The following EXT1 variants were observed in gnomAD, a reference collection of about 807,000 sequenced individuals.
EXT1 encodes the protein exostosin glycosyltransferase 1, also known as exostosin-1.
EXT1 carries 20 observed loss-of-function variants against 82.5 expected under a neutral mutation model. That is an observed-to-expected ratio of 0.24 (90% confidence interval 0.17 to 0.35). The LOEUF (loss-of-function observed/expected upper bound fraction) is 0.35, where lower values mean the gene tolerates loss of function less well. Ranked by LOEUF, EXT1 falls within the 10% of genes least tolerant of loss-of-function variation. The probability of loss-of-function intolerance (pLI) is 1.00; values close to 1 mark genes in which losing one functional copy is unlikely to be tolerated. For missense variants in EXT1, 757 were observed against 936.5 expected (o/e 0.81, Z 2.50); for synonymous variants, 348 against 350.8 (o/e 0.99, Z 0.09).
intron 10 of EXT1, among the ~76,000 whole-genome samples, chr8:117,801,983 T>C (rs1361167622): frequency 6.6e-6 from 1 of 152,248 alleles, no homozygotes; most frequent in Non-Finnish European, 1.5e-5. Flanking sequence ...TTAACATTTA[T>C]TCTGAGTCAA....
intron 1 of EXT1, among the ~76,000 whole-genome samples, chr8:117,963,726 G>A (rs1814749979): frequency 6.6e-6 from 1 of 152,070 alleles, no homozygotes; most frequent in South Asian, 2.1e-4. Context: ...CTGACCTCAG[G>A]TAATCTGCCC....
At position 118,111,282 on chromosome 8, in the gene EXT1, G is replaced by A. The variant is rs1817898689; in HGVS notation, c.-236C>T. 2 of 644,412 alleles carry A rather than the reference G, an allele frequency of 3.1e-6. No individual in the cohort carries two copies. Among genetic ancestry groups the A allele is most frequent in the Non-Finnish European group, 5.4e-6 (2 of 370,408 alleles). 39.9% of individuals were successfully genotyped at this position (644,412 alleles called of 1,614,324 possible). ...TTTGGGTTGCACAATGCACGGGAGA[G>A]AGCGGGGCTGAATATCTCGCACCCA... On this transcript the variant is annotated 5_prime_UTR_variant, in exon 1 of 11. Transcript: ENST00000378204.
intron 1 of EXT1, among the ~76,000 whole-genome samples, chr8:117,917,558 A>C (rs1813776462): frequency 6.6e-6 from 1 of 152,162 alleles, no homozygotes; most frequent in Non-Finnish European, 1.5e-5. Context: ...TAAAATTCTC[A>C]CCAGCATTTT....
At chr8:118,098,850 A>G (rs1239325399) in intron 1 of EXT1, among the ~76,000 whole-genome samples, 1 of 152,190 alleles carries the variant, frequency 6.6e-6, no homozygotes, top group African/African-American at 2.4e-5. Flanking sequence ...ACTGATATGC[A>G]TCTTGAAAAC....
chr8:118,060,364 T>C (rs1346888468), intron 1 of EXT1, among the ~76,000 whole-genome samples: 1 of 152,212 alleles, frequency 6.6e-6, no homozygotes, highest in Non-Finnish European at 1.5e-5. Flanking sequence ...TTTTGGAAAT[T>C]GGGAGATTTT....
At chr8:117,985,888 T>C (rs74394831) in intron 1 of EXT1, among the ~76,000 whole-genome samples, 1,952 of 152,326 alleles carry the variant, frequency 0.013, 41 homozygotes, top group African/African-American at 0.042. Flanking sequence ...TTCTATAGCA[T>C]TGAATTAAGT....
chr8:118,024,658 C>A (rs1816171745), intron 1 of EXT1, among the ~76,000 whole-genome samples: 1 of 152,100 alleles, frequency 6.6e-6, no homozygotes, highest in South Asian at 2.1e-4. Flanking sequence ...AATGAACAGT[C>A]AAGAAACTAC....
In EXT1 at chr8:118,021,535, C is replaced by T. The variant is rs796851335; in HGVS notation, c.962+88550G>A. On this transcript the variant is annotated intron_variant, in intron 1 of 10. Coordinates refer to ENST00000378204, the MANE Select transcript of EXT1 (RefSeq NM_000127.3). ...AAAATGAACACTTCTGGAAGACGGC[C>T]GATTTTAAAAACATAAAAATTGTCA... Among the ~76,000 whole-genome samples, 5 of 152,046 alleles carry T rather than the reference C, an allele frequency of 3.3e-5. No homozygotes were observed. In the East Asian group the frequency reaches 5.8e-4, roughly 18 times the overall value.
At chr8:118,012,932 T>C (rs909751317) in intron 1 of EXT1, among the ~76,000 whole-genome samples, 1 of 152,190 alleles carries the variant, frequency 6.6e-6, no homozygotes, top group Non-Finnish European at 1.5e-5. Flanking sequence ...CTATCGTTAG[T>C]AAGGCAACTA....
chr8:117,937,744 C>CAG (rs953984272), intron 1 of EXT1, among the ~76,000 whole-genome samples: 2 of 152,190 alleles, frequency 1.3e-5, no homozygotes, highest in Admixed American at 6.5e-5. Context: ...CACTACATGC[C>CAG]AGAGAGAGAG....
rs545674238 is a variant in EXT1, at chr8:117,960,327, A to C, written c.963-123126T>G. Among the ~76,000 whole-genome samples, 9 of 152,356 alleles carry C rather than the reference A, an allele frequency of 5.9e-5. No individual in the cohort carries two copies. In the South Asian group the frequency reaches 1.9e-3, roughly 32 times the overall value. On this transcript the variant is annotated intron_variant, in intron 1 of 10. Transcript: ENST00000378204. ...TGCACTTTTCATGGTAAAACTTGAA[A>C]CTATTTTGTACATGTAATCTAAATG... is the stretch of plus-strand genomic sequence containing the variant.
rs7838416 is a variant in EXT1, at chr8:117,895,566, C to T, written c.963-58365G>A. On this transcript the variant is annotated intron_variant, in intron 1 of 10. Transcript: ENST00000378204. ...GGAAGTCATTAAGACCCATCCAGGT[C>T]TGAGTGTTATACGAAAATGTTACTG... Among the ~76,000 whole-genome samples the T allele has an allele frequency of 4.5e-3, 691 of 152,258 alleles. 3 individuals carry two copies. Among genetic ancestry groups the T allele is most frequent in the Non-Finnish European group, 8.0e-3 (541 of 68,028 alleles).
chr8:117,829,477 C>T (rs1587000984), intron 4 of EXT1, among the ~76,000 whole-genome samples: 1 of 151,914 alleles, frequency 6.6e-6, no homozygotes, highest in East Asian at 1.9e-4. Context: ...TCTGCTGTCC[C>T]GCAATGCCAT....
intron 1 of EXT1, among the ~76,000 whole-genome samples, chr8:117,972,090 C>T (rs527648281): frequency 8.4e-4 from 125 of 148,614 alleles, no homozygotes; most frequent in Non-Finnish European, 1.4e-3. Flanking sequence ...GCTGAGGTTG[C>T]GGTGAGCCGA....
intron 1 of EXT1, among the ~76,000 whole-genome samples, chr8:117,855,457 A>C (rs1008488721): frequency 3.9e-5 from 6 of 152,114 alleles, no homozygotes; most frequent in South Asian, 2.1e-4. Context: ...TACTACTGTA[A>C]TTGTTTTGGG....
Position 117,861,553 on chromosome 8 carries a change from G to T in EXT1, c.963-24352C>A, listed in dbSNP as rs1276171644. 9.7e-5 allele frequency among the ~76,000 whole-genome samples: 10 copies of T among 102,692 alleles called. 1 individual carries two copies. Among genetic ancestry groups the T allele is most frequent in the Non-Finnish European group, 2.1e-4 (9 of 43,194 alleles). 67.4% of individuals were successfully genotyped at this position (102,692 alleles called of 152,430 possible). A position where few individuals can be genotyped will look rare whatever the true frequency, so the allele number is the denominator to read the frequency against. On this transcript the variant is annotated intron_variant, in intron 1 of 10. Coordinates refer to ENST00000378204, the MANE Select transcript of EXT1 (RefSeq NM_000127.3). ...TCTGTCACCCAGGCTGGAGGGCAGT[G>T]GCATGATCTTGGCTCACTGCAACCT...
At chr8:117,848,144 G>A (rs1460240427) in intron 1 of EXT1, among the ~76,000 whole-genome samples, 1 of 152,190 alleles carries the variant, frequency 6.6e-6, no homozygotes, top group African/African-American at 2.4e-5. Context: ...AGTTGTCTAT[G>A]GAAAGTTTAA....
In EXT1 at chr8:118,103,833, G is replaced by A. The variant is rs191896429; in HGVS notation, c.962+6252C>T. On this transcript the variant is annotated intron_variant, in intron 1 of 10. Coordinates refer to ENST00000378204, the MANE Select transcript of EXT1 (RefSeq NM_000127.3). ...AACAGAAGAGTTGAAGGAGTTCAGT[G>A]CTTAAATGTCAGGTTTAGGAGCCAC... 1.3e-4 allele frequency among the ~76,000 whole-genome samples: 20 copies of A among 152,286 alleles called. No homozygotes were observed. The East Asian group carries it at 3.9e-3, about 29-fold the overall frequency.
intron 5 of EXT1, among the ~76,000 whole-genome samples, chr8:117,820,756 A>C (rs1415420628): frequency 1.3e-5 from 2 of 152,096 alleles, no homozygotes; most frequent in Non-Finnish European, 2.9e-5. Context: ...AACAAATGAC[A>C]AGTACTCAAT....
Sources: gnomAD v4.1 joint callset for allele counts (sites outside exome capture counted in the v4.1 genomes callset) on GRCh38, gnomAD v4.1.1 for gene constraint, MANE v1.5 for transcripts, NCBI Gene and HGNC (gene_info 2026-07-23, HGNC 2026-07-21) for gene names.